The following ADGRA2 variants were observed in gnomAD, a reference collection of about 807,000 sequenced individuals.
The protein encoded by ADGRA2 is adhesion G protein-coupled receptor A2, also known as G-protein coupled receptor 124.
ADGRA2 carries 61 observed loss-of-function variants against 98.7 expected under a neutral mutation model. The ratio of observed to expected loss-of-function variants is 0.62; its 90% CI spans 0.50 to 0.76. The LOEUF (loss-of-function observed/expected upper bound fraction) is 0.76, where lower values mean the gene tolerates loss of function less well. Ranked by LOEUF, ADGRA2 falls within the 30% of genes least tolerant of loss-of-function variation. The pLI, the probability that ADGRA2 is intolerant of heterozygous loss-of-function variation, is 0.00. For missense variants in ADGRA2, 1,712 were observed against 1,860.0 expected, an observed-to-expected ratio of 0.92 and a Z score of 1.46; for synonymous variants, 858 against 831.5, an observed-to-expected ratio of 1.03 and a Z score of -0.55.
chr8:37,836,554 C>A (rs543504978), intron 13 of ADGRA2, among the ~76,000 whole-genome samples: 4 of 152,116 alleles, frequency 2.6e-5, no homozygotes, highest in Non-Finnish European at 5.9e-5. Flanking sequence ...ATCTCTCCCC[C>A]GGGACCAGCG....
intron 9 of ADGRA2, 37 bp downstream of exon 9, chr8:37,833,245 C>A (rs777754395): frequency 1.3e-6 from 2 of 1,509,684 alleles, no homozygotes; most frequent in African/African-American, 2.7e-5. Flanking sequence ...AGCTCTGCTT[C>A]GGGGGCACAG....
At chr8:37,820,984 G>C (rs1317222710) in intron 2 of ADGRA2, among the ~76,000 whole-genome samples, 1 of 152,100 alleles carries the variant, frequency 6.6e-6, no homozygotes, top group Non-Finnish European at 1.5e-5. Flanking sequence ...TAGACAGGAA[G>C]ACCTGAAACA....
At chr8:37,818,472 CA>C (rs1805039045) in intron 2 of ADGRA2, among the ~76,000 whole-genome samples, 1 of 152,388 alleles carries the variant, frequency 6.6e-6, no homozygotes. Flanking sequence ...GCATGGCAGG[CA>C]ATCAGAAGAA....
At chr8:37,815,980 C>A (rs577780227) in intron 2 of ADGRA2, among the ~76,000 whole-genome samples, 1 of 152,306 alleles carries the variant, frequency 6.6e-6, no homozygotes, top group South Asian at 2.1e-4. Flanking sequence ...GTTCCTCCGA[C>A]AGGGAGGGCC....
intron 1 of ADGRA2, among the ~76,000 whole-genome samples, chr8:37,804,658 C>T (rs956380214): frequency 6.6e-6 from 1 of 152,202 alleles, no homozygotes; most frequent in Non-Finnish European, 1.5e-5. Context: ...ATCCGAGTCC[C>T]ACTCCCAGCC....
Position 37,797,174 on chromosome 8 carries a change from G to A in ADGRA2, c.-95G>A, listed in dbSNP as rs1202869943. On this transcript the variant is annotated 5_prime_UTR_variant, in exon 1 of 19. Transcript: ENST00000412232. The surrounding 1 kb of genome is among the most constrained non-coding windows in gnomAD (Gnocchi z 5.3). ...CCCCTCCACGCCCTCGGGAGCCCCGGGCCCCCGCTGAGCACTCCTCCCGCA... is the reference window on the plus strand; with the variant it reads ...CCCCTCCACGCCCTCGGGAGCCCCGAGCCCCCGCTGAGCACTCCTCCCGCA... 8.7e-5 allele frequency: 88 copies of A among 1,013,846 alleles called. No homozygotes were observed. Among genetic ancestry groups the A allele is most frequent in the Non-Finnish European group, 1.1e-4 (87 of 805,068 alleles). 62.8% of individuals were successfully genotyped at this position (1,013,846 alleles called of 1,614,324 possible).
In ADGRA2 at chr8:37,837,749, A is replaced by G. The variant is rs1433403113; in HGVS notation, c.2069A>G (p.Asn690Ser). The G allele has an allele frequency of 6.4e-7, 1 of 1,552,998 alleles. No homozygotes were observed. Among genetic ancestry groups the G allele is most frequent in the South Asian group, 1.2e-5 (1 of 84,178 alleles). Residue 690 changes from asparagine to serine, a missense_variant, in exon 14 of 19, where the codon AAC becomes AGC. Coordinates refer to ENST00000412232, the MANE Select transcript of ADGRA2 (RefSeq NM_032777.10). Reference protein sequence around the residue: ...FAGTSGCGVGNLTEPVAVSLR... With the variant: ...FAGTSGCGVGSLTEPVAVSLR... ...GCTGTAGGTGGCTGTGGCGTGGGAA[A>G]CCTGACAGAGCCAGTGGCCGTTTCG...
rs985649185 is a variant in ADGRA2 at position 37,797,343 on chromosome 8, G to C, written c.75G>C (p.Leu25=). The C allele has an allele frequency of 1.4e-6, 2 of 1,398,024 alleles. No individual in the cohort carries two copies. Among genetic ancestry groups the C allele is most frequent in the Non-Finnish European group, 1.9e-6 (2 of 1,079,768 alleles). 86.6% of individuals were successfully genotyped at this position (1,398,024 alleles called of 1,614,324 possible). Residue 25 remains leucine (L), a synonymous_variant, in exon 1 of 19, where the codon CTG becomes CTC. Transcript: ENST00000412232. The surrounding 1 kb of genome is among the most constrained non-coding windows in gnomAD (Gnocchi z 5.3). ...LLLPLLPWLL[L]LLAPEARGAP... is the part of the protein sequence containing the mutation. ...TGCCGCTGCTGCCGTGGCTCCTGCT[G>C]CTCCTGGCGCCCGAGGCTCGGGGCG...
In ADGRA2 at chr8:37,842,536, A is replaced by C; in HGVS notation, c.*181A>C. The C allele has an allele frequency of 9.5e-7, 1 of 1,048,164 alleles. No individual in the cohort carries two copies. The highest frequency in any genetic ancestry group is 1.3e-6 in the Non-Finnish European group (1 of 784,642). The allele number at this position is 1,048,164 out of a possible 1,614,324, so 64.9% of individuals were successfully genotyped here. A position where few individuals can be genotyped will look rare whatever the true frequency, so the allele number is the denominator to read the frequency against. On this transcript the variant is annotated 3_prime_UTR_variant, in exon 19 of 19. Transcript: ENST00000412232. ...GCATCCCTCTGGGGTAGCGACAGAC[A>C]ATCCCAGAAACACGCATAATACATT...
chr8:37,823,866 T>C (rs1805193117), intron 2 of ADGRA2, among the ~76,000 whole-genome samples: 1 of 152,216 alleles, frequency 6.6e-6, no homozygotes. Flanking sequence ...AAATGTCTAT[T>C]CAGATCCTTT....
rs1554522476 is a variant in ADGRA2 at position 37,804,130 on chromosome 8, C to CACACAT, written c.266+6601_266+6602insTACACA. Among the ~76,000 whole-genome samples the CACACAT allele has an allele frequency of 7.4e-3, 1,101 of 148,676 alleles. 19 individuals carry two copies. Among genetic ancestry groups the CACACAT allele is most frequent in the African/African-American group, 0.026 (1,033 of 39,722 alleles). On this transcript the variant is annotated intron_variant, in intron 1 of 18. Transcript: ENST00000412232. ...ACACACACACACACACACACACACA[C>CACACAT]ACACACACACACACACACACACGGC...
chr8:37,826,308 A>T (rs1805280083), intron 2 of ADGRA2, among the ~76,000 whole-genome samples: 1 of 152,098 alleles, frequency 6.6e-6, no homozygotes, highest in Admixed American at 6.5e-5. Flanking sequence ...AGGGGCAGGC[A>T]GTGAGGATGG....
chr8:37,841,479 G>C lies in ADGRA2; in HGVS notation c.3141G>C (p.Arg1047=). ...CAGTGTCCCAGCGCTGGCTGCCCCG[G>C]GTGGTGTGCAGCTGCTTGTACGGGG... ...ALAVSQRWLP[R]VVCSCLYGVA... is the part of the protein sequence containing the mutation. Residue 1047 remains arginine (R), a synonymous_variant, in exon 19 of 19, where the codon CGG becomes CGC. Coordinates refer to ENST00000412232, the MANE Select transcript of ADGRA2 (RefSeq NM_032777.10). This position sits in a 1 kb window ranked among gnomAD's most constrained non-coding sequence, Gnocchi z 5.0. 6.2e-7 allele frequency: 1 copy of C among 1,613,024 alleles called. No homozygotes were observed. Among genetic ancestry groups the C allele is most frequent in the South Asian group, 1.1e-5 (1 of 91,020 alleles).
At chr8:37,800,033 C>T (rs974900655) in intron 1 of ADGRA2, among the ~76,000 whole-genome samples, 1 of 152,188 alleles carries the variant, frequency 6.6e-6, no homozygotes, top group African/African-American at 2.4e-5. Context: ...CACCCCCACA[C>T]CCACCCCAGG....
In ADGRA2 at chr8:37,802,333, C is replaced by A. The variant is rs1037557451; in HGVS notation, c.266+4799C>A. 1.3e-5 allele frequency among the ~76,000 whole-genome samples: 2 copies of A among 152,322 alleles called. No individual in the cohort carries two copies. Among genetic ancestry groups the A allele is most frequent in the African/African-American group, 2.4e-5 (1 of 41,570 alleles). On this transcript the variant is annotated intron_variant, in intron 1 of 18. Coordinates refer to ENST00000412232, the MANE Select transcript of ADGRA2 (RefSeq NM_032777.10). This position sits in a 1 kb window ranked among gnomAD's most constrained non-coding sequence, Gnocchi z 4.7. ...CGGGCCCAGGCCGGCGCCTCCACCC[C>A]CTTCTCTTCCACCAGCTTTCCCCCA...
chr8:37,798,787 C>A (rs1031634024), intron 1 of ADGRA2, among the ~76,000 whole-genome samples: 2 of 152,240 alleles, frequency 1.3e-5, no homozygotes, highest in Non-Finnish European at 1.5e-5. Flanking sequence ...AACTGGTCAG[C>A]CTCTGACGCT....
At chr8:37,818,414 C>T (rs1368472414) in intron 2 of ADGRA2, among the ~76,000 whole-genome samples, 1 of 152,248 alleles carries the variant, frequency 6.6e-6, no homozygotes, top group Non-Finnish European at 1.5e-5. Context: ...ACGGCCTGTC[C>T]TTCTCCAGCA....
chr8:37,819,188 G>A (rs1027123589), intron 2 of ADGRA2, among the ~76,000 whole-genome samples: 3 of 152,110 alleles, frequency 2.0e-5, no homozygotes, highest in Admixed American at 6.5e-5. Context: ...CACCCACAGC[G>A]CCCATAAGGA....
At chr8:37,821,715 G>A (rs1217725705) in intron 2 of ADGRA2, among the ~76,000 whole-genome samples, 1 of 152,214 alleles carries the variant, frequency 6.6e-6, no homozygotes, top group Non-Finnish European at 1.5e-5. Context: ...CTAAAGGAAA[G>A]AGTCTGGGAA....
Sources: allele counts gnomAD v4.1 joint callset (sites outside exome capture counted in the v4.1 genomes callset), GRCh38; gene constraint gnomAD v4.1.1; non-coding constraint Gnocchi (gnomAD v3.1); transcripts MANE v1.5; gene names NCBI Gene and HGNC (gene_info 2026-07-23, HGNC 2026-07-21).